CHODL: variants seen among roughly 807,000 people sequenced by gnomAD.
The protein encoded by CHODL is chondrolectin, also known as transmembrane protein MT75.
A neutral mutation model predicts 34.5 loss-of-function variants in CHODL; 29 were observed. That is an observed-to-expected ratio of 0.84 (90% CI 0.63 to 1.15). CHODL has a LOEUF of 1.15. Ranked by LOEUF, CHODL falls within the 50% of genes most tolerant of loss-of-function variation. CHODL has a pLI of 0.00. For missense variants in CHODL, 332 were observed against 332.5 expected (o/e 1.00, Z 0.01); for synonymous variants, 125 against 116.1 (o/e 1.08, Z -0.49).
At chr21:18,229,378 G>T (rs2073958900) in intron 2 of CHODL, among the ~76,000 whole-genome samples, 1 of 152,086 alleles carries the variant, frequency 6.6e-6, no homozygotes, top group Admixed American at 6.6e-5. Context: ...CTCTTCTCCA[G>T]GCCCTGAGTG....
At chr21:18,194,432 C>T (rs2073557005) in intron 2 of CHODL, among the ~76,000 whole-genome samples, 1 of 152,172 alleles carries the variant, frequency 6.6e-6, no homozygotes, top group Admixed American at 6.5e-5. Flanking sequence ...CCAGCTTTCT[C>T]CTTTGCACTA....
At chr21:18,038,862 TA>T (rs1463128127) in intron 2 of CHODL, among the ~76,000 whole-genome samples, 1 of 151,726 alleles carries the variant, frequency 6.6e-6, no homozygotes, top group Non-Finnish European at 1.5e-5. Flanking sequence ...ACATTAATTG[TA>T]AGTCCCTTTT....
chr21:18,020,695 A>G (rs529043888), intron 1 of CHODL, among the ~76,000 whole-genome samples: 30 of 152,336 alleles, frequency 2.0e-4, no homozygotes, highest in African/African-American at 6.7e-4. Context: ...TCTACAAAAT[A>G]TAGATGTTGA....
At chr21:18,236,579 G>A (rs1340357740) in intron 2 of CHODL, among the ~76,000 whole-genome samples, 1 of 152,038 alleles carries the variant, frequency 6.6e-6, no homozygotes, top group Non-Finnish European at 1.5e-5. Flanking sequence ...CTTGACTCCA[G>A]TATTTTCCAT....
At chr21:18,200,998 C>T (rs2073644775) in intron 2 of CHODL, among the ~76,000 whole-genome samples, 1 of 152,182 alleles carries the variant, frequency 6.6e-6, no homozygotes, top group African/African-American at 2.4e-5. Flanking sequence ...TCCTTGATTG[C>T]AGACTTCTGG....
At chr21:18,080,617 C>G (rs1370832750) in intron 2 of CHODL, among the ~76,000 whole-genome samples, 1 of 152,052 alleles carries the variant, frequency 6.6e-6, no homozygotes, top group Non-Finnish European at 1.5e-5. Context: ...TTTTTGTTGA[C>G]TTCATCAAAG....
At position 18,170,978 on chromosome 21, in the gene CHODL, T is replaced by A. The variant is rs564925695; in HGVS notation, c.-44-85531T>A. 5.8e-4 allele frequency among the ~76,000 whole-genome samples: 88 copies of A among 151,986 alleles called. 1 individual carries two copies. The South Asian group carries it at 0.017, about 29-fold the overall frequency. On this transcript the variant is annotated intron_variant, in intron 2 of 6. Coordinates refer to the CHODL transcript ENST00000400127. ...TTGTACTAGTGTTAATTCTGTTAAT[T>A]TATGTTTACCTGGAGATATATAAAT...
intron 1 of CHODL, among the ~76,000 whole-genome samples, chr21:18,003,786 T>G (rs1385747766): frequency 6.6e-6 from 1 of 152,334 alleles, no homozygotes; most frequent in East Asian, 1.9e-4. Flanking sequence ...TGTCAGATCG[T>G]TCCAGCACAG....
intron 1 of CHODL, among the ~76,000 whole-genome samples, chr21:17,965,165 C>G (rs192521086): frequency 5.3e-4 from 80 of 152,310 alleles, no homozygotes; most frequent in African/African-American, 1.9e-3. Context: ...ACTTAACCCT[C>G]TCTACCTCCT....
At chr21:17,933,570 T>A (rs1381298375) in intron 1 of CHODL, among the ~76,000 whole-genome samples, 3 of 152,128 alleles carry the variant, frequency 2.0e-5, no homozygotes, top group African/African-American at 7.2e-5. Flanking sequence ...GGTCATAGAT[T>A]AACAGCATCT....
intron 1 of CHODL, among the ~76,000 whole-genome samples, chr21:18,018,252 A>G (rs1314602002): frequency 6.6e-6 from 1 of 152,192 alleles, no homozygotes; most frequent in East Asian, 1.9e-4. Flanking sequence ...AGGTATGATT[A>G]TATTTTGCAG....
At chr21:18,084,292 A>ATT (rs71318123) in intron 2 of CHODL, among the ~76,000 whole-genome samples, 2 of 151,750 alleles carry the variant, frequency 1.3e-5, no homozygotes, top group Non-Finnish European at 2.9e-5. Flanking sequence ...GTTATTTGTT[A>ATT]TTTTTTTCCC....
intron 2 of CHODL, among the ~76,000 whole-genome samples, chr21:18,084,297 T>A (rs887440333): frequency 6.6e-6 from 1 of 152,070 alleles, no homozygotes. Flanking sequence ...TTGTTATTTT[T>A]TTCCCTTCAA....
At chr21:18,227,229 G>A (rs2073939081) in intron 2 of CHODL, among the ~76,000 whole-genome samples, 1 of 152,076 alleles carries the variant, frequency 6.6e-6, no homozygotes, top group African/African-American at 2.4e-5. Flanking sequence ...CAAGATCTTG[G>A]GGGTTAGGAT....
intron 2 of CHODL, among the ~76,000 whole-genome samples, chr21:18,125,316 G>A (rs1386353061): frequency 2.6e-5 from 4 of 152,138 alleles, no homozygotes; most frequent in Non-Finnish European, 5.9e-5. Context: ...GCTAACATGT[G>A]CTAGCTACTG....
At chr21:18,196,354 C>T (rs1275786693) in intron 2 of CHODL, among the ~76,000 whole-genome samples, 1 of 152,142 alleles carries the variant, frequency 6.6e-6, no homozygotes, top group Non-Finnish European at 1.5e-5. Flanking sequence ...AATAATGTTT[C>T]TAAATCTTAG....
chr21:18,179,170 TG>T (rs958720803), intron 2 of CHODL, among the ~76,000 whole-genome samples: 3 of 152,108 alleles, frequency 2.0e-5, no homozygotes, highest in African/African-American at 7.2e-5. Flanking sequence ...AGTTTTGAGG[TG>T]GTGCAGGACT....
exon 1 of CHODL, chr21:17,917,357 C>T (rs1242946614): frequency 2.0e-5 from 3 of 152,510 alleles, no homozygotes; most frequent in African/African-American, 2.4e-5. Context: ...GATGGCAGAT[C>T]GTGGGACTTC....
At chr21:18,219,008 T>A (rs2073857849) in intron 2 of CHODL, among the ~76,000 whole-genome samples, 1 of 152,122 alleles carries the variant, frequency 6.6e-6, no homozygotes, top group Non-Finnish European at 1.5e-5. Flanking sequence ...CCCACATTTT[T>A]GTCTTTTGAG....
Sources: allele counts gnomAD v4.1 joint callset (sites outside exome capture counted in the v4.1 genomes callset), GRCh38; gene constraint gnomAD v4.1.1; transcripts MANE v1.5; gene names NCBI Gene and HGNC (gene_info 2026-07-23, HGNC 2026-07-21).